KCNMA1: variants seen among roughly 807,000 people sequenced by gnomAD.
KCNMA1 encodes the protein Calcium-activated potassium channel subunit alpha-1.
In KCNMA1, 29 loss-of-function variants were observed where a neutral mutation model predicts 140.0. That is an observed-to-expected ratio of 0.21 (90% confidence interval 0.15 to 0.28). The LOEUF is 0.28. Ranked by LOEUF, KCNMA1 falls within the 10% of genes least tolerant of loss-of-function variation. The pLI, the probability that KCNMA1 is intolerant of heterozygous loss-of-function variation, is 1.00. For missense variants in KCNMA1, 880 were observed against 1,602.2 expected (o/e 0.55, Z 7.70); for synonymous variants, 612 against 611.9 (o/e 1.00, Z 0.00).
chr10:77,543,462 C>G (rs1055609570), intron 1 of KCNMA1, among the ~76,000 whole-genome samples: 1 of 152,054 alleles, frequency 6.6e-6, no homozygotes, highest in Non-Finnish European at 1.5e-5. Flanking sequence ...TGAACACACA[C>G]TACAGGAGGA....
chr10:77,547,035 T>C (rs994856107), intron 1 of KCNMA1, among the ~76,000 whole-genome samples: 1 of 152,074 alleles, frequency 6.6e-6, no homozygotes, highest in South Asian at 2.1e-4. Flanking sequence ...CCACACCAAA[T>C]GTTTCCCTAA....
chr10:77,090,354 G>A, intron 10 of KCNMA1, 46 bp downstream of exon 10: 1 of 1,226,052 alleles, frequency 8.2e-7, no homozygotes, highest in Admixed American at 1.7e-5. Flanking sequence ...TCCCTCGCAG[G>A]GTGTGTGGTT....
At chr10:76,956,851 G>C (rs537338278) in intron 20 of KCNMA1, among the ~76,000 whole-genome samples, 1 of 152,124 alleles carries the variant, frequency 6.6e-6, no homozygotes, top group African/African-American at 2.4e-5. Flanking sequence ...GGCCGGGCGT[G>C]GTGGCTCAGG....
chr10:77,073,286 C>T, intron 13 of KCNMA1, 34 bp from the exon 14 acceptor site: 1 of 1,608,522 alleles, frequency 6.2e-7, no homozygotes, highest in Non-Finnish European at 8.5e-7. Flanking sequence ...AGACCTTGCT[C>T]TGTTAAATGT....
intron 1 of KCNMA1, among the ~76,000 whole-genome samples, chr10:77,501,601 C>G (rs901645117): frequency 2.0e-4 from 30 of 152,188 alleles, no homozygotes; most frequent in African/African-American, 5.8e-4. Context: ...TCCCTGCCCC[C>G]CAGCCTGATT....
chr10:76,953,228 T>G (rs1198457788), intron 21 of KCNMA1, among the ~76,000 whole-genome samples: 5 of 152,186 alleles, frequency 3.3e-5, no homozygotes, highest in African/African-American at 9.7e-5. Context: ...CTAAGAAAGC[T>G]CACAGATGCA....
chr10:76,949,511 A>T, intron 21 of KCNMA1, 145 bp from the exon 22 acceptor site: 1 of 720,220 alleles, frequency 1.4e-6, no homozygotes, highest in Admixed American at 2.0e-5. Context: ...CATCAATGTT[A>T]TATACATGCC....
At chr10:77,280,992 T>C (rs2068357558) in intron 2 of KCNMA1, among the ~76,000 whole-genome samples, 1 of 152,128 alleles carries the variant, frequency 6.6e-6, no homozygotes, top group Non-Finnish European at 1.5e-5. Flanking sequence ...AACCTCAAAG[T>C]TAGAAACACA....
intron 1 of KCNMA1, among the ~76,000 whole-genome samples, chr10:77,411,491 G>C (rs1209386766): frequency 6.6e-6 from 1 of 152,152 alleles, no homozygotes; most frequent in African/African-American, 2.4e-5. Context: ...ACAGATGAGA[G>C]GTTAAGTAGC....
downstream of KCNMA1, chr10:76,877,036 T>G (rs1167022664): frequency 1.3e-5 from 2 of 152,724 alleles, no homozygotes; most frequent in Non-Finnish European, 2.9e-5. Context: ...ATCTGCCAAT[T>G]GTAGAAAAGC....
intron 19 of KCNMA1, among the ~76,000 whole-genome samples, chr10:76,972,485 C>T (rs1221769515): frequency 6.6e-6 from 1 of 152,104 alleles, no homozygotes; most frequent in Non-Finnish European, 1.5e-5. Context: ...GGTTAAGTGG[C>T]CATTATCTTT....
At chr10:77,410,486 C>G (rs1441243871) in intron 1 of KCNMA1, among the ~76,000 whole-genome samples, 1 of 152,244 alleles carries the variant, frequency 6.6e-6, no homozygotes, top group Admixed American at 6.5e-5. Flanking sequence ...AACTACGTGT[C>G]AGTTCTTTGG....
At chr10:77,015,793 TG>T (rs752873390) in intron 17 of KCNMA1, among the ~76,000 whole-genome samples, 1 of 152,022 alleles carries the variant, frequency 6.6e-6, no homozygotes, top group Non-Finnish European at 1.5e-5. Flanking sequence ...CCCAATTCAT[TG>T]GGGGGTTCTG....
chr10:77,265,033 T>C (rs1324554693), intron 2 of KCNMA1, among the ~76,000 whole-genome samples: 1 of 152,012 alleles, frequency 6.6e-6, no homozygotes, highest in Non-Finnish European at 1.5e-5. Context: ...AGCCAGATGA[T>C]GTTCATAGCA....
At chr10:77,327,653 C>T (rs2084710833) in intron 2 of KCNMA1, among the ~76,000 whole-genome samples, 1 of 152,076 alleles carries the variant, frequency 6.6e-6, no homozygotes, top group African/African-American at 2.4e-5. Context: ...CCTCGCCTGA[C>T]CAGTATCAAA....
At chr10:77,114,415 C>G (rs1022126595) in intron 6 of KCNMA1, among the ~76,000 whole-genome samples, 1 of 152,250 alleles carries the variant, frequency 6.6e-6, no homozygotes, top group African/African-American at 2.4e-5. Flanking sequence ...CAGCAGGTCA[C>G]TTCACTGTCC....
intron 1 of KCNMA1, among the ~76,000 whole-genome samples, chr10:77,520,158 G>GGGTGTGTGGTGT (rs1567297892): frequency 1.2e-4 from 1 of 8,170 alleles, no homozygotes; most frequent in African/African-American, 3.9e-4. Flanking sequence ...GTGAGGTCTG[G>GGGTGTGTGGTGT]CATATGCAGT....
chr10:77,558,160 G>A (rs1047164191), intron 1 of KCNMA1, among the ~76,000 whole-genome samples: 1 of 152,128 alleles, frequency 6.6e-6, no homozygotes, highest in African/African-American at 2.4e-5. Context: ...TTAAGGAAAA[G>A]ACTCAGAAAG....
chr10:77,549,504 T>C (rs1003838047), intron 1 of KCNMA1, among the ~76,000 whole-genome samples: 5 of 152,166 alleles, frequency 3.3e-5, no homozygotes, highest in Non-Finnish European at 7.4e-5. Flanking sequence ...TGAACTCTCC[T>C]AGCAGGGGAT....
Sources: gnomAD v4.1 joint callset for allele counts (sites outside exome capture counted in the v4.1 genomes callset) on GRCh38, gnomAD v4.1.1 for gene constraint, MANE v1.5 for transcripts, NCBI Gene and HGNC (gene_info 2026-07-23, HGNC 2026-07-21) for gene names.